FAF1: variants seen among roughly 807,000 people sequenced by gnomAD.
The protein encoded by FAF1 is Fas associated factor 1.
In FAF1, 25 loss-of-function variants were observed where a neutral mutation model predicts 92.5. The observed-to-expected ratio is 0.27, with a 90% CI of 0.20 to 0.38. The LOEUF (loss-of-function observed/expected upper bound fraction) is 0.38. FAF1 is among the 10% of genes least tolerant of loss of function. The pLI is 1.00. For synonymous variants in FAF1, 234 were observed against 273.2 expected, an observed-to-expected ratio of 0.86 and a Z score of 1.42; for missense variants, 636 against 793.3, an observed-to-expected ratio of 0.80 and a Z score of 2.38.
intron 14 of FAF1, 119 bp downstream of exon 14, chr1:50,539,473 A>G: frequency 6.5e-6 from 4 of 618,966 alleles, no homozygotes. Context: ...TTTTCAGGAT[A>G]TTCTATATTT....
rs145402421 is a variant in FAF1 at position 50,647,403 on chromosome 1, T to C, written c.744+8039A>G. 9.2e-5 allele frequency among the ~76,000 whole-genome samples: 14 copies of C among 152,348 alleles called. No homozygotes were observed. In the East Asian group the frequency reaches 2.7e-3, roughly 29 times the overall value. Reference sequence around the variant, plus strand: ...TTCTTTCTGTACGTCACTTTCCTTTTTTTGTCTATAAATTTGTTCTAACCA... The same window carrying C: ...TTCTTTCTGTACGTCACTTTCCTTTCTTTGTCTATAAATTTGTTCTAACCA... On this transcript the variant is annotated intron_variant, in intron 8 of 18. Coordinates refer to ENST00000396153, the MANE Select transcript of FAF1 (RefSeq NM_007051.3).
intron 7 of FAF1, among the ~76,000 whole-genome samples, chr1:50,695,364 C>T (rs1252023868): frequency 6.6e-6 from 1 of 151,704 alleles, no homozygotes; most frequent in African/African-American, 2.4e-5. Context: ...GCAGAGATTG[C>T]ACCATTGCAC....
intron 18 of FAF1, among the ~76,000 whole-genome samples, chr1:50,471,699 C>T (rs1284994008): frequency 1.3e-5 from 2 of 152,162 alleles, no homozygotes; most frequent in Non-Finnish European, 2.9e-5. Flanking sequence ...AGTGGCAATA[C>T]ATATGGGCTA....
chr1:50,631,439 T>C (rs1207674892), intron 8 of FAF1, among the ~76,000 whole-genome samples: 1 of 152,202 alleles, frequency 6.6e-6, no homozygotes, highest in Non-Finnish European at 1.5e-5. Context: ...ATCAGATTTA[T>C]CAGATTGACT....
chr1:50,683,901 C>T (rs1018603766), intron 7 of FAF1, among the ~76,000 whole-genome samples: 1 of 150,022 alleles, frequency 6.7e-6, no homozygotes, highest in Non-Finnish European at 1.5e-5. Flanking sequence ...CATTGCACTT[C>T]AGCCTGGGCG....
rs1230395505 is a variant in FAF1, at chr1:50,490,671, G to C, written c.1576-6C>G. The C allele has an allele frequency of 6.3e-7, 1 of 1,582,686 alleles. No homozygotes were observed. Among genetic ancestry groups the C allele is most frequent in the African/African-American group, 1.3e-5 (1 of 74,192 alleles). On this transcript the variant is annotated splice_region_variant and splice_polypyrimidine_tract_variant and intron_variant, in intron 16 of 18. Transcript: ENST00000396153. Reference sequence around the variant, plus strand: ...TCTCTCTCGTGAGCTTCCCTCTGTTGATAAAACAGAAAAGGAACAAGCACT... The same window carrying C: ...TCTCTCTCGTGAGCTTCCCTCTGTTCATAAAACAGAAAAGGAACAAGCACT...
chr1:50,618,752 C>CTTT lies in FAF1; in HGVS notation c.745-22539_745-22537dup, dbSNP rs1259518339. 1.1e-3 allele frequency among the ~76,000 whole-genome samples: 154 copies of CTTT among 140,546 alleles called. 1 individual carries two copies. The highest frequency in any genetic ancestry group is 2.4e-3 in the Admixed American group (33 of 13,996). 92.2% of individuals were successfully genotyped at this position (140,546 alleles called of 152,430 possible). A position where few individuals can be genotyped will look rare whatever the true frequency, so the allele number is the denominator to read the frequency against. On this transcript the variant is annotated intron_variant, in intron 8 of 18. Coordinates refer to ENST00000396153, the MANE Select transcript of FAF1 (RefSeq NM_007051.3). The stretch of plus-strand genomic sequence containing the variant: ...TCGAATATAAGAATAGCAAAGCTTG[C>CTTT]TTTTTTTTTTTTTTGAGACAGAGTC...
intron 15 of FAF1, among the ~76,000 whole-genome samples, chr1:50,499,887 C>A (rs1001648923): frequency 6.6e-6 from 1 of 152,046 alleles, no homozygotes; most frequent in Non-Finnish European, 1.5e-5. Context: ...AACAAATACT[C>A]AGAACTTACA....
At chr1:50,693,997 C>T (rs1258242131) in intron 7 of FAF1, among the ~76,000 whole-genome samples, 2 of 116,918 alleles carry the variant, frequency 1.7e-5, no homozygotes, top group Non-Finnish European at 3.3e-5. Context: ...GTATATGTGT[C>T]ATTATATATA....
chr1:50,620,996 G>A lies in FAF1; in HGVS notation c.745-24780C>T, dbSNP rs569921936. ...GGCAGAGGCTGGAGCAGGGAGATAT[G>A]CCGCACACTTTCCGGACCAGCCCTG... On this transcript the variant is annotated intron_variant, in intron 8 of 18. Transcript: ENST00000396153. 5.4e-4 allele frequency among the ~76,000 whole-genome samples: 82 copies of A among 152,342 alleles called. 1 individual carries two copies. Among genetic ancestry groups the A allele is most frequent in the African/African-American group, 1.9e-3 (81 of 41,592 alleles).
rs762123057 is a variant in FAF1, at chr1:50,539,693, A to C, written c.1304T>G (p.Val435Gly). The change falls in exon 14 of 19, where the codon GTT becomes GGT. Residue 435 changes from valine to glycine, a missense_variant. Physicochemically the swap from Val to Gly is moderately radical, Grantham distance 109 (BLOSUM62 -3). Transcript: ENST00000396153. The part of the protein sequence containing the change: ...LTMCNRHFGS[V>G]VAQTIRTQKT... ...TTGAGTCCGAATGGTTTGTGCCACAACACTGCCAAAGTGTCTATTGCACAT... is the reference window on the plus strand; with the variant it reads ...TTGAGTCCGAATGGTTTGTGCCACACCACTGCCAAAGTGTCTATTGCACAT... 1.2e-5 allele frequency: 20 copies of C among 1,612,562 alleles called. No homozygotes were observed. In the East Asian group the frequency reaches 4.2e-4, roughly 34 times the overall value.
intron 2 of FAF1, among the ~76,000 whole-genome samples, chr1:50,814,845 A>C (rs1643952189): frequency 1.3e-5 from 2 of 152,162 alleles, no homozygotes; most frequent in South Asian, 4.1e-4. Context: ...GATGGCTACT[A>C]TCACACACAC....
At chr1:50,762,819 A>C (rs983170531) in intron 4 of FAF1, among the ~76,000 whole-genome samples, 3 of 152,180 alleles carry the variant, frequency 2.0e-5, no homozygotes, top group African/African-American at 7.2e-5. Flanking sequence ...CAATGGCAAC[A>C]AAAGCCAAAA....
At chr1:50,860,067 C>T (rs1344517549) in intron 1 of FAF1, among the ~76,000 whole-genome samples, 2 of 151,770 alleles carry the variant, frequency 1.3e-5, no homozygotes, top group Non-Finnish European at 2.9e-5. Flanking sequence ...AGAAGAATGA[C>T]ACTAGACCCC....
intron 8 of FAF1, among the ~76,000 whole-genome samples, chr1:50,620,961 G>A (rs1254647288): frequency 6.6e-6 from 1 of 152,216 alleles, no homozygotes; most frequent in Admixed American, 6.5e-5. Flanking sequence ...CGGGCCATGG[G>A]GCCCCCTCAG....
At chr1:50,746,610 T>TATATTTTAAAGGGAAGCAGAG (rs1659633427) in intron 4 of FAF1, among the ~76,000 whole-genome samples, 1 of 151,900 alleles carries the variant, frequency 6.6e-6, no homozygotes, top group Non-Finnish European at 1.5e-5. Context: ...CCAATGAATT[T>TATATTTTAAAGGGAAGCAGAG]ATATTTTAAA....
In FAF1 at chr1:50,456,052, G is replaced by A. The variant is rs888715784; in HGVS notation, c.1870-14529C>T. Among the ~76,000 whole-genome samples, 4 of 152,174 alleles carry A rather than the reference G, an allele frequency of 2.6e-5. No individual in the cohort carries two copies. The South Asian group carries it at 8.3e-4, about 32-fold the overall frequency. ...ATGGCACCACTGCACTCCAGTTTGGGCGACAGAGTGAGACCCTGCTTTAAA... is the reference window on the plus strand; with the variant it reads ...ATGGCACCACTGCACTCCAGTTTGGACGACAGAGTGAGACCCTGCTTTAAA... On this transcript the variant is annotated intron_variant, in intron 18 of 18. Transcript: ENST00000396153.
At chr1:50,632,835 G>GA (rs1653851094) in intron 8 of FAF1, among the ~76,000 whole-genome samples, 1 of 152,146 alleles carries the variant, frequency 6.6e-6, no homozygotes. Context: ...CAGTCTAGGT[G>GA]AAAGTATTGG....
intron 8 of FAF1, among the ~76,000 whole-genome samples, chr1:50,621,268 G>A (rs962155593): frequency 6.6e-6 from 1 of 152,158 alleles, no homozygotes; most frequent in East Asian, 1.9e-4. Flanking sequence ...GCTGCAAAGG[G>A]GGTGCTGTGT....
Sources: allele counts gnomAD v4.1 joint callset (sites outside exome capture counted in the v4.1 genomes callset), GRCh38; gene constraint gnomAD v4.1.1; transcripts MANE v1.5; gene names NCBI Gene and HGNC (gene_info 2026-07-23, HGNC 2026-07-21).